Variants in FSTL4 observed in about 807,000 individuals in gnomAD.
FSTL4 encodes the protein follistatin like 4.
Under a neutral mutation model 78.2 loss-of-function variants are expected in FSTL4, and 28 were observed. The ratio of observed to expected loss-of-function variants is 0.36; its 90% CI spans 0.27 to 0.49. FSTL4 has a LOEUF of 0.49. Among genes scored for constraint, FSTL4 ranks in the 20% least tolerant of loss-of-function variants. The pLI, the probability that FSTL4 is intolerant of heterozygous loss-of-function variation, is 0.98. For missense variants in FSTL4, 922 were observed against 1,084.9 expected (o/e 0.85, Z 2.11); for synonymous variants, 422 against 440.5 (o/e 0.96, Z 0.53).
At chr5:133,661,447 A>C in the FSTL4 span, among the ~76,000 whole-genome samples, 1 of 152,216 alleles carries the variant, frequency 6.6e-6, no homozygotes, top group East Asian at 1.9e-4. Context: ...CTTAGCACAG[A>C]GCTGGTACTT....
At chr5:133,789,576 G>C in the FSTL4 span, among the ~76,000 whole-genome samples, 8 of 152,186 alleles carry the variant, frequency 5.3e-5, no homozygotes, top group African/African-American at 1.9e-4. Flanking sequence ...ACACAGTTCT[G>C]GGAAAAGCCG....
chr5:133,526,358 G>A (rs1759100150), intron 3 of FSTL4, among the ~76,000 whole-genome samples: 1 of 152,146 alleles, frequency 6.6e-6, no homozygotes. Flanking sequence ...AGGGAACTGA[G>A]AAGTCTTTGC....
chr5:133,700,977 A>T, the FSTL4 span, among the ~76,000 whole-genome samples: 3 of 152,240 alleles, frequency 2.0e-5, no homozygotes, highest in Non-Finnish European at 4.4e-5. Flanking sequence ...CTCTCTGCTC[A>T]TTCAGACGCA....
At chr5:133,595,673 G>A (rs1358487492) in intron 2 of FSTL4, among the ~76,000 whole-genome samples, 6 of 152,190 alleles carry the variant, frequency 3.9e-5, no homozygotes, top group African/African-American at 1.4e-4. Flanking sequence ...ACTGACTGAG[G>A]TTCTGGGATG....
intron 7 of FSTL4, among the ~76,000 whole-genome samples, chr5:133,237,757 C>T (rs1751707288): frequency 6.6e-6 from 1 of 152,092 alleles, no homozygotes; most frequent in Admixed American, 6.5e-5. Context: ...TAAAACTAAG[C>T]CTGCAATCCT....
intron 3 of FSTL4, among the ~76,000 whole-genome samples, chr5:133,446,078 T>G (rs1038756248): frequency 6.6e-6 from 1 of 152,178 alleles, no homozygotes; most frequent in African/African-American, 2.4e-5. Flanking sequence ...CTTCATTTCA[T>G]CTGAGGAGAC....
the FSTL4 span, among the ~76,000 whole-genome samples, chr5:133,823,095 G>A: frequency 2.0e-5 from 3 of 152,140 alleles, no homozygotes; most frequent in South Asian, 2.1e-4. Flanking sequence ...GTGCCATAGC[G>A]TTCAGGAGAC....
chr5:133,532,026 A>G (rs1008890003), intron 3 of FSTL4, among the ~76,000 whole-genome samples: 20 of 152,344 alleles, frequency 1.3e-4, no homozygotes, highest in African/African-American at 4.8e-4. Flanking sequence ...TACAGAAGTG[A>G]GTGAGGTAAG....
Position 133,199,716 on chromosome 5 carries a change from G to T in FSTL4, c.1908C>A (p.Gly636=). 1 of 1,612,276 alleles carries T rather than the reference G, an allele frequency of 6.2e-7. No homozygotes were observed. The highest frequency in any genetic ancestry group is 8.5e-7 in the Non-Finnish European group (1 of 1,179,096). Residue 636 remains glycine (G), a synonymous_variant, in exon 16 of 16, where the codon GGC becomes GGA. Transcript: ENST00000265342. This position sits in a 1 kb window ranked among gnomAD's most constrained non-coding sequence, Gnocchi z 4.4. ...GGGGCACGCAGCCATGGTGGTGCAG[G>T]CCGATGGTCTTGAGGGGCATCATTG... is the stretch of plus-strand genomic sequence containing the variant. ...LETMMPLKTI[G]LHHHGCVPQA...
At chr5:133,616,773 G>C (rs1761207142), upstream of FSTL4, among the ~76,000 whole-genome samples, 1 of 152,102 alleles carries the variant, frequency 6.6e-6, no homozygotes, top group Non-Finnish European at 1.5e-5. Flanking sequence ...CACCTCAAGG[G>C]CTATGAAGAC....
the FSTL4 span, among the ~76,000 whole-genome samples, chr5:133,794,116 G>A: frequency 6.6e-6 from 1 of 151,780 alleles, no homozygotes; most frequent in Non-Finnish European, 1.5e-5. Context: ...TGGAGCTCCG[G>A]GCTCTGCAGA....
At chr5:133,512,193 G>A (rs1758748960) in intron 3 of FSTL4, among the ~76,000 whole-genome samples, 1 of 152,190 alleles carries the variant, frequency 6.6e-6, no homozygotes, top group Non-Finnish European at 1.5e-5. Flanking sequence ...TCTTTCCCTG[G>A]GGCTGTAGGC....
the FSTL4 span, among the ~76,000 whole-genome samples, chr5:133,625,671 G>A: frequency 7.5e-6 from 1 of 134,152 alleles, no homozygotes; most frequent in East Asian, 2.2e-4. Flanking sequence ...GTCTATTTTA[G>A]TCTTCATTTT....
At chr5:133,564,513 G>T (rs1759985219) in intron 3 of FSTL4, among the ~76,000 whole-genome samples, 1 of 152,178 alleles carries the variant, frequency 6.6e-6, no homozygotes, top group African/African-American at 2.4e-5. Flanking sequence ...AGAAACAATT[G>T]TTGATTAACT....
chr5:133,838,538 G>C, the FSTL4 span, among the ~76,000 whole-genome samples: 1 of 152,146 alleles, frequency 6.6e-6, no homozygotes, highest in African/African-American at 2.4e-5. Flanking sequence ...CATCTCAAAG[G>C]CTGCTTCACT....
intron 4 of FSTL4, among the ~76,000 whole-genome samples, chr5:133,378,596 T>C (rs1755497028): frequency 6.6e-6 from 1 of 152,154 alleles, no homozygotes; most frequent in South Asian, 2.1e-4. Context: ...ACATATATAG[T>C]TTTATTTTGT....
At chr5:133,268,257 C>T (rs781527244) in intron 6 of FSTL4, among the ~76,000 whole-genome samples, 10 of 152,250 alleles carry the variant, frequency 6.6e-5, no homozygotes, top group Admixed American at 1.3e-4. Context: ...CATCTATTGT[C>T]GCCCAAGCTC....
At chr5:133,670,425 G>T in the FSTL4 span, among the ~76,000 whole-genome samples, 1 of 152,318 alleles carries the variant, frequency 6.6e-6, no homozygotes, top group South Asian at 2.1e-4. Context: ...AAGGCCAAGA[G>T]CCCGGGGAGT....
At chr5:133,229,276 C>T (rs1000924914) in intron 8 of FSTL4, among the ~76,000 whole-genome samples, 1 of 152,176 alleles carries the variant, frequency 6.6e-6, no homozygotes, top group African/African-American at 2.4e-5. Context: ...AATCCCAGCA[C>T]TTTGGGAGGC....
Sources: allele counts gnomAD v4.1 joint callset (sites outside exome capture counted in the v4.1 genomes callset), GRCh38; gene constraint gnomAD v4.1.1; non-coding constraint Gnocchi (gnomAD v3.1); transcripts MANE v1.5; gene names NCBI Gene and HGNC (gene_info 2026-07-23, HGNC 2026-07-21).